CNTNAP2: variants seen among roughly 807,000 people sequenced by gnomAD.
CNTNAP2 encodes contactin-associated protein-like 2.
Under a neutral mutation model 155.2 loss-of-function variants are expected in CNTNAP2, and 98 were observed. The observed-to-expected ratio is 0.63, with a 90% CI of 0.54 to 0.75. The LOEUF is 0.75. CNTNAP2 is among the 30% of genes least tolerant of loss of function. The pLI, the probability that CNTNAP2 is intolerant of heterozygous loss-of-function variation, is 0.00. For synonymous variants in CNTNAP2, 651 were observed against 631.2 expected, an observed-to-expected ratio of 1.03 and a Z score of -0.47; for missense variants, 1,727 against 1,688.1, an observed-to-expected ratio of 1.02 and a Z score of -0.40.
intron 1 of CNTNAP2, among the ~76,000 whole-genome samples, chr7:146,567,369 A>C (rs1798373334): frequency 6.6e-6 from 1 of 152,208 alleles, no homozygotes; most frequent in Non-Finnish European, 1.5e-5. Flanking sequence ...ATACCTTCAA[A>C]GCAATTTTCT....
At chr7:146,996,440 TA>T (rs1241264277) in intron 3 of CNTNAP2, among the ~76,000 whole-genome samples, 1 of 152,110 alleles carries the variant, frequency 6.6e-6, no homozygotes, top group Non-Finnish European at 1.5e-5. Flanking sequence ...CCTCCCTGGT[TA>T]AAATTTTTGG....
At chr7:147,740,404 A>G (rs979919027) in intron 13 of CNTNAP2, among the ~76,000 whole-genome samples, 1 of 152,130 alleles carries the variant, frequency 6.6e-6, no homozygotes, top group Admixed American at 6.6e-5. Flanking sequence ...GCAATGCCTC[A>G]CCCTGCTACA....
At chr7:147,627,787 C>G (rs1238470812) in intron 12 of CNTNAP2, among the ~76,000 whole-genome samples, 1 of 147,768 alleles carries the variant, frequency 6.8e-6, no homozygotes, top group Non-Finnish European at 1.5e-5. Flanking sequence ...AAAAAACAAT[C>G]ACAACTTTTG....
At chr7:147,855,276 T>G (rs1396449374) in intron 13 of CNTNAP2, among the ~76,000 whole-genome samples, 1 of 152,122 alleles carries the variant, frequency 6.6e-6, no homozygotes, top group African/African-American at 2.4e-5. Flanking sequence ...GGAAGCCAAC[T>G]GGTCTGGGCC....
intron 12 of CNTNAP2, among the ~76,000 whole-genome samples, chr7:147,574,972 T>A (rs1387941480): frequency 2.6e-5 from 4 of 152,110 alleles, no homozygotes; most frequent in Non-Finnish European, 2.9e-5. Context: ...GAAAGTTGGG[T>A]TGGTTCTCAT....
chr7:146,878,145 T>A (rs747845223), intron 3 of CNTNAP2, among the ~76,000 whole-genome samples: 1 of 152,142 alleles, frequency 6.6e-6, no homozygotes, highest in Admixed American at 6.6e-5. Context: ...CCACTTCAAT[T>A]TGAGTGGTAG....
At chr7:147,752,849 T>C (rs1032256064) in intron 13 of CNTNAP2, among the ~76,000 whole-genome samples, 1 of 152,184 alleles carries the variant, frequency 6.6e-6, no homozygotes, top group East Asian at 1.9e-4. Context: ...CTGGTGTTTT[T>C]GTGTCATGGA....
At chr7:146,825,558 T>C (rs1803384017) in intron 2 of CNTNAP2, among the ~76,000 whole-genome samples, 2 of 152,144 alleles carry the variant, frequency 1.3e-5, no homozygotes, top group African/African-American at 4.8e-5. Flanking sequence ...TTGTATTTCT[T>C]CCTCAAAAAT....
At chr7:146,685,751 T>C (rs1347773918) in intron 1 of CNTNAP2, among the ~76,000 whole-genome samples, 2 of 152,094 alleles carry the variant, frequency 1.3e-5, no homozygotes, top group African/African-American at 4.8e-5. Flanking sequence ...TTTTGACATC[T>C]AAGACATGTG....
intron 15 of CNTNAP2, among the ~76,000 whole-genome samples, chr7:148,075,753 C>CA (rs1293254185): frequency 2.6e-5 from 4 of 152,182 alleles, no homozygotes; most frequent in Non-Finnish European, 2.9e-5. Flanking sequence ...TAAATCCCCC[C>CA]AAATAGAGGG....
At chr7:147,123,778 C>A (rs535101633) in intron 6 of CNTNAP2, among the ~76,000 whole-genome samples, 1 of 152,146 alleles carries the variant, frequency 6.6e-6, no homozygotes, top group East Asian at 1.9e-4. Flanking sequence ...TGGTGGCTCA[C>A]GCCTGTAATC....
At chr7:148,160,117 G>A (rs895279955) in intron 17 of CNTNAP2, among the ~76,000 whole-genome samples, 17 of 152,286 alleles carry the variant, frequency 1.1e-4, no homozygotes, top group Non-Finnish European at 1.9e-4. Context: ...GCACACACCT[G>A]TAATATCAGC....
chr7:147,384,175 T>C (rs1414260672), intron 9 of CNTNAP2, among the ~76,000 whole-genome samples: 2 of 152,138 alleles, frequency 1.3e-5, no homozygotes, highest in Non-Finnish European at 1.5e-5. Flanking sequence ...GATAGACATC[T>C]TAAGTATTCA....
intron 3 of CNTNAP2, among the ~76,000 whole-genome samples, chr7:146,889,194 A>T (rs1030736570): frequency 3.3e-5 from 5 of 152,178 alleles, no homozygotes; most frequent in Admixed American, 3.3e-4. Context: ...TTTTTAAAAA[A>T]GTTTTAATTA....
intron 9 of CNTNAP2, among the ~76,000 whole-genome samples, chr7:147,324,293 G>T (rs904894313): frequency 1.5e-4 from 23 of 152,102 alleles, no homozygotes; most frequent in African/African-American, 5.6e-4. Context: ...TCTTTTCAAT[G>T]AATTCATAAG....
chr7:146,493,507 C>G (rs1364122793), intron 1 of CNTNAP2, among the ~76,000 whole-genome samples: 1 of 151,968 alleles, frequency 6.6e-6, no homozygotes, highest in African/African-American at 2.4e-5. Flanking sequence ...TAAAAAGAAC[C>G]TATGAGGAGG....
At position 148,409,387 on chromosome 7, in the gene CNTNAP2, A is replaced by C. The variant is rs772029165; in HGVS notation, c.3716-4A>C. ...CTGACACTTGACTCTTTCTTTCTCTACAGCCAGTGCGGATTTTCCATATAA... is the reference window on the plus strand; with the variant it reads ...CTGACACTTGACTCTTTCTTTCTCTCCAGCCAGTGCGGATTTTCCATATAA... On this transcript the variant is annotated splice_polypyrimidine_tract_variant and splice_region_variant and intron_variant, in intron 22 of 23. Coordinates refer to ENST00000361727, the MANE Select transcript of CNTNAP2 (RefSeq NM_014141.6). The C allele has an allele frequency of 6.4e-7, 1 of 1,554,874 alleles. No individual in the cohort carries two copies. The highest frequency in any genetic ancestry group is 1.7e-5 in the African/African-American group (1 of 58,298).
At chr7:146,894,561 C>A (rs557524879) in intron 3 of CNTNAP2, among the ~76,000 whole-genome samples, 2 of 151,962 alleles carry the variant, frequency 1.3e-5, no homozygotes, top group Non-Finnish European at 2.9e-5. Context: ...CCCTGTGGTT[C>A]GCCATGAAAA....
intron 13 of CNTNAP2, among the ~76,000 whole-genome samples, chr7:147,869,197 A>G (rs1799286058): frequency 6.6e-6 from 1 of 152,254 alleles, no homozygotes; most frequent in Non-Finnish European, 1.5e-5. Context: ...TTCAACAGCT[A>G]CAGTGATCCT....
Sources: allele counts gnomAD v4.1 joint callset (sites outside exome capture counted in the v4.1 genomes callset), GRCh38; gene constraint gnomAD v4.1.1; transcripts MANE v1.5; gene names NCBI Gene and HGNC (gene_info 2026-07-23, HGNC 2026-07-21).